The following MACROD2 variants were observed in gnomAD, a reference collection of about 807,000 sequenced individuals.
The protein encoded by MACROD2 is mono-ADP ribosylhydrolase 2, also known as ADP-ribose glycohydrolase MACROD2.
MACROD2 carries 36 observed loss-of-function variants against 70.4 expected under a neutral mutation model. The observed-to-expected ratio is 0.51, with a 90% CI of 0.39 to 0.68. MACROD2 has a LOEUF of 0.68. Among genes scored for constraint, MACROD2 ranks in the 30% least tolerant of loss-of-function variants. The pLI is 0.00. For missense variants in MACROD2, 496 were observed against 538.4 expected (o/e 0.92, Z 0.78); for synonymous variants, 172 against 178.8 (o/e 0.96, Z 0.30).
At chr20:14,137,502 A>G (rs753929556) in intron 3 of MACROD2, among the ~76,000 whole-genome samples, 1 of 152,180 alleles carries the variant, frequency 6.6e-6, no homozygotes, top group Non-Finnish European at 1.5e-5. Context: ...CTATTGTTTG[A>G]CAAAGGCACC....
chr20:15,148,144 C>T (rs1025028738), intron 5 of MACROD2, among the ~76,000 whole-genome samples: 4 of 151,410 alleles, frequency 2.6e-5, no homozygotes, highest in African/African-American at 7.3e-5. Flanking sequence ...AGAGAATGGG[C>T]GATGTTTCTC....
chr20:14,843,215 G>A (rs980858465), intron 5 of MACROD2, among the ~76,000 whole-genome samples: 4 of 96,014 alleles, frequency 4.2e-5, no homozygotes, highest in Non-Finnish European at 8.2e-5. Flanking sequence ...TAGGCTCTTT[G>A]TGTTATGACT....
intron 8 of MACROD2, among the ~76,000 whole-genome samples, chr20:15,847,134 A>C (rs2147140848): frequency 1.3e-5 from 2 of 152,256 alleles, no homozygotes; most frequent in South Asian, 4.1e-4. Flanking sequence ...TATTTTTTAC[A>C]GCTGTTCACA....
chr20:14,542,457 T>TATA (rs2085445899), intron 4 of MACROD2, among the ~76,000 whole-genome samples: 1 of 152,216 alleles, frequency 6.6e-6, no homozygotes, highest in Admixed American at 6.5e-5. Context: ...ATCCATAACT[T>TATA]AATGTTCTAT....
intron 12 of MACROD2, among the ~76,000 whole-genome samples, chr20:15,954,792 C>T (rs1183800014): frequency 2.6e-5 from 4 of 152,166 alleles, no homozygotes; most frequent in Non-Finnish European, 5.9e-5. Context: ...ACAATAATAT[C>T]AGCAGCTAAT....
chr20:16,047,228 C>T (rs775127), intron 17 of MACROD2, among the ~76,000 whole-genome samples: 129,984 of 152,128 alleles, frequency 0.85, 55,651 homozygotes, highest in East Asian at 0.88. Flanking sequence ...AGAAGGAACC[C>T]TTGCTCCATG....
At chr20:15,118,088 T>A (rs1330591061) in intron 5 of MACROD2, among the ~76,000 whole-genome samples, 1 of 152,134 alleles carries the variant, frequency 6.6e-6, no homozygotes, top group Non-Finnish European at 1.5e-5. Flanking sequence ...GATATACTAG[T>A]GTAAGGTCTA....
At chr20:15,479,066 A>G (rs1427739421) in intron 7 of MACROD2, among the ~76,000 whole-genome samples, 1 of 152,204 alleles carries the variant, frequency 6.6e-6, no homozygotes, top group Non-Finnish European at 1.5e-5. Flanking sequence ...TTCCTTCATG[A>G]AAGTTCTTTG....
Position 14,338,985 on chromosome 20 carries a change from A to G in MACROD2, c.272-154494A>G, listed in dbSNP as rs1157323221. ...TTAAACTAATATCTTTATTTGCTCT[A>G]TTCTTAGAGGTGCATGACCTTCTCC... is the stretch of plus-strand genomic sequence containing the variant. On this transcript the variant is annotated intron_variant, in intron 3 of 17. Coordinates refer to ENST00000684519, the MANE Select transcript of MACROD2 (RefSeq NM_001351661.2). 7.9e-5 allele frequency among the ~76,000 whole-genome samples: 12 copies of G among 152,170 alleles called. No homozygotes were observed. The East Asian group carries it at 1.4e-3, about 17-fold the overall frequency.
intron 5 of MACROD2, among the ~76,000 whole-genome samples, chr20:15,087,464 C>T (rs2075757308): frequency 6.6e-6 from 1 of 151,956 alleles, no homozygotes; most frequent in African/African-American, 2.4e-5. Context: ...CTGCAATTAA[C>T]TGTGGTAAGA....
chr20:15,162,859 G>T (rs187863734), intron 5 of MACROD2, among the ~76,000 whole-genome samples: 1 of 152,020 alleles, frequency 6.6e-6, no homozygotes, highest in African/African-American at 2.4e-5. Context: ...TATCAAAGAG[G>T]TTTATAAGAC....
At chr20:14,542,474 A>C (rs1015841839) in intron 4 of MACROD2, among the ~76,000 whole-genome samples, 1 of 152,188 alleles carries the variant, frequency 6.6e-6, no homozygotes, top group African/African-American at 2.4e-5. Flanking sequence ...CTATGTACTG[A>C]AGGAGTTTGG....
chr20:15,515,598 T>G (rs1310003213), intron 8 of MACROD2, among the ~76,000 whole-genome samples: 1 of 152,248 alleles, frequency 6.6e-6, no homozygotes, highest in Admixed American at 6.5e-5. Context: ...GCATTGTTTT[T>G]GTTTTGTGTT....
rs112337260 is a variant in MACROD2 at position 15,050,578 on chromosome 20, G to A, written c.419-179362G>A. Among the ~76,000 whole-genome samples, 792 of 109,668 alleles carry A rather than the reference G, an allele frequency of 7.2e-3. 7 individuals are homozygous for A. The highest frequency in any genetic ancestry group is 0.023 in the Middle Eastern group (2 of 86). 71.9% of individuals were successfully genotyped at this position (109,668 alleles called of 152,430 possible). On this transcript the variant is annotated intron_variant, in intron 5 of 17. Transcript: ENST00000684519. ...TTTTTTTGAGATGGAGTCTTGCTCC[G>A]TTGCCCAGGCTGGAGTGCAGTGGCA...
intron 5 of MACROD2, among the ~76,000 whole-genome samples, chr20:15,096,599 C>G (rs1171073787): frequency 6.8e-6 from 1 of 146,902 alleles, no homozygotes; most frequent in Non-Finnish European, 1.5e-5. Context: ...GCAGCCTCCG[C>G]CTGCCAGGTT....
intron 3 of MACROD2, among the ~76,000 whole-genome samples, chr20:14,319,249 C>G: frequency 6.6e-6 from 1 of 152,170 alleles, no homozygotes; most frequent in South Asian, 2.1e-4. Flanking sequence ...TGACTTTGTT[C>G]TCCTAGCTAG....
chr20:14,120,863 C>A lies in MACROD2; in HGVS notation c.271+35135C>A, dbSNP rs534192273. Among the ~76,000 whole-genome samples, 229 of 148,412 alleles carry A rather than the reference C, an allele frequency of 1.5e-3. 1 individual carries two copies. Among genetic ancestry groups the A allele is most frequent in the African/African-American group, 5.7e-3 (228 of 40,120 alleles). On this transcript the variant is annotated intron_variant, in intron 3 of 17. Coordinates refer to ENST00000684519, the MANE Select transcript of MACROD2 (RefSeq NM_001351661.2). The stretch of plus-strand genomic sequence containing the variant: ...CTCATAATGAGTTGAACAATGAGAA[C>A]ACATGGCCACCGAGAGGGGAACAAC...
At chr20:15,170,922 G>A (rs1442068512) in intron 5 of MACROD2, among the ~76,000 whole-genome samples, 2 of 152,164 alleles carry the variant, frequency 1.3e-5, no homozygotes, top group Non-Finnish European at 2.9e-5. Context: ...AGAGAGATTG[G>A]CAGGGCTGTT....
intron 3 of MACROD2, among the ~76,000 whole-genome samples, chr20:14,487,594 C>G (rs933518695): frequency 6.6e-6 from 1 of 152,072 alleles, no homozygotes; most frequent in Non-Finnish European, 1.5e-5. Context: ...TCTCTCATTC[C>G]CTTATCTTCC....
Sources: gnomAD v4.1 joint callset for allele counts (sites outside exome capture counted in the v4.1 genomes callset) on GRCh38, gnomAD v4.1.1 for gene constraint, MANE v1.5 for transcripts, NCBI Gene and HGNC (gene_info 2026-07-23, HGNC 2026-07-21) for gene names.